Variants in CANX observed in about 807,000 individuals in gnomAD.
CANX encodes calnexin.
In CANX, 14 loss-of-function variants were observed where a neutral mutation model predicts 75.7. The ratio of observed to expected loss-of-function variants is 0.19; its 90% confidence interval spans 0.12 to 0.29. The LOEUF (loss-of-function observed/expected upper bound fraction) is 0.29. CANX is among the 10% of genes least tolerant of loss of function. The pLI is 1.00. For missense variants in CANX, 567 were observed against 713.2 expected (o/e 0.79, Z 2.34); for synonymous variants, 227 against 236.9 (o/e 0.96, Z 0.38).
chr5:179,702,427 CT>C (rs999623921), intron 1 of CANX, among the ~76,000 whole-genome samples: 2 of 141,214 alleles, frequency 1.4e-5, no homozygotes, highest in African/African-American at 5.1e-5. Flanking sequence ...TTCCTTCCTT[CT>C]TTTTTAAAAC....
chr5:179,728,021 A>G (rs1027362059), intron 14 of CANX, among the ~76,000 whole-genome samples: 20 of 152,202 alleles, frequency 1.3e-4, no homozygotes, highest in African/African-American at 4.6e-4. Flanking sequence ...TATCTTTTGT[A>G]TATTTTCCAT....
intron 1 of CANX, among the ~76,000 whole-genome samples, chr5:179,689,379 GTTTTTTTT>G (rs958473912): frequency 2.4e-5 from 2 of 83,674 alleles, no homozygotes; most frequent in African/African-American, 4.8e-5. Context: ...AACCCAACAA[GTTTTTTTT>G]TTTTTTTTTT....
chr5:179,686,008 A>G (rs1015052041), intron 1 of CANX, among the ~76,000 whole-genome samples: 1 of 151,248 alleles, frequency 6.6e-6, no homozygotes, highest in Non-Finnish European at 1.5e-5. Context: ...TAATAAATTG[A>G]GGTTTTAATT....
At chr5:179,699,970 G>A (rs1307669444) in intron 1 of CANX, among the ~76,000 whole-genome samples, 2 of 152,152 alleles carry the variant, frequency 1.3e-5, no homozygotes, top group African/African-American at 4.8e-5. Flanking sequence ...AATAATACCC[G>A]ATGGATTTGT....
chr5:179,698,867 G>T, upstream of CANX: 1 of 1,092,740 alleles, frequency 9.2e-7, no homozygotes, highest in South Asian at 1.7e-5. Flanking sequence ...GGATGTCGGG[G>T]CTTGCGCGGG....
At chr5:179,680,517 T>G (rs1776035434) in intron 1 of CANX, among the ~76,000 whole-genome samples, 1 of 152,180 alleles carries the variant, frequency 6.6e-6, no homozygotes, top group South Asian at 2.1e-4. Flanking sequence ...GTGTGTTCAC[T>G]GACATCCTGG....
intron 3 of CANX, among the ~76,000 whole-genome samples, chr5:179,706,719 A>G (rs1177681925): frequency 6.6e-6 from 1 of 152,124 alleles, no homozygotes. Context: ...AGCCTCCCAA[A>G]TTGTTGGCAT....
At chr5:179,702,048 T>A (rs568655875) in intron 1 of CANX, among the ~76,000 whole-genome samples, 2 of 151,796 alleles carry the variant, frequency 1.3e-5, no homozygotes, top group East Asian at 3.9e-4. Flanking sequence ...GCCTTACTTA[T>A]TTTTTTAGAG....
intron 1 of CANX, among the ~76,000 whole-genome samples, chr5:179,702,130 C>G (rs1034256710): frequency 6.3e-4 from 95 of 151,876 alleles, no homozygotes; most frequent in African/African-American, 2.2e-3. Flanking sequence ...CAAACTCCTG[C>G]TGTTATTGGT....
rs781629512 is a variant in CANX, at chr5:179,684,924, G to GT, written c.-4+6148dup. ...TGTGCCACCACACCTGGCTAATTTT[G>GT]TATTTTTTTTTTTTTTTTTTTTTTT... On this transcript the variant is annotated intron_variant, in intron 1 of 14. Coordinates refer to the CANX transcript ENST00000681674. 2.6e-3 allele frequency among the ~76,000 whole-genome samples: 75 copies of GT among 28,982 alleles called. 5 individuals are homozygous for GT. Among genetic ancestry groups the GT allele is most frequent in the Non-Finnish European group, 3.9e-3 (58 of 14,740 alleles). 19.0% of individuals were successfully genotyped at this position (28,982 alleles called of 152,430 possible). A position where few individuals can be genotyped will look rare whatever the true frequency, so the allele number is the denominator to read the frequency against.
intron 12 of CANX, among the ~76,000 whole-genome samples, chr5:179,724,088 A>G (rs955021490): frequency 1.2e-4 from 18 of 152,204 alleles, no homozygotes; most frequent in Non-Finnish European, 2.1e-4. Context: ...CACTTGGGCA[A>G]TAATCAGCTT....
At chr5:179,699,557 A>G (rs1776593707) in intron 1 of CANX, 1 of 152,266 alleles carries the variant, frequency 6.6e-6, no homozygotes, top group South Asian at 2.1e-4. Context: ...TTACAGTTTA[A>G]TATTTGAAAA....
chr5:179,705,322 C>T (rs1777053553), intron 1 of CANX, among the ~76,000 whole-genome samples: 1 of 152,186 alleles, frequency 6.6e-6, no homozygotes, highest in Admixed American at 6.6e-5. Flanking sequence ...CGGGTACCCC[C>T]TGTAAATTAG....
intron 1 of CANX, among the ~76,000 whole-genome samples, chr5:179,679,642 A>G (rs1033497609): frequency 2.0e-5 from 3 of 152,038 alleles, no homozygotes; most frequent in Non-Finnish European, 4.4e-5. Flanking sequence ...GGCAGAGGGA[A>G]GAGCCGAGCA....
At chr5:179,723,477 G>T in intron 11 of CANX, 183 bp from the exon 12 acceptor site, 1 of 566,052 alleles carries the variant, frequency 1.8e-6, no homozygotes. Context: ...AAATCATCTT[G>T]ATTATAAGGA....
intron 8 of CANX, among the ~76,000 whole-genome samples, chr5:179,719,004 C>T (rs1248433483): frequency 6.6e-6 from 1 of 151,444 alleles, no homozygotes; most frequent in Non-Finnish European, 1.5e-5. Context: ...TGGGTTTCAC[C>T]TTGTTGCCCA....
chr5:179,727,294 AAAC>A (rs1009021942), intron 14 of CANX, among the ~76,000 whole-genome samples: 11 of 152,252 alleles, frequency 7.2e-5, no homozygotes, highest in Non-Finnish European at 2.9e-5. Flanking sequence ...TTAAGGAAGT[AAAC>A]AACACAGCGT....
chr5:179,696,278 T>C (rs553074794), upstream of CANX, among the ~76,000 whole-genome samples: 246 of 136,024 alleles, frequency 1.8e-3, 1 homozygote, highest in African/African-American at 6.6e-3. Flanking sequence ...TTTTTTTTTT[T>C]TTTTTTTTTT....
chr5:179,679,803 C>T lies in CANX; in HGVS notation c.-4+1026C>T, dbSNP rs563868506. Among the ~76,000 whole-genome samples, 9 of 152,006 alleles carry T rather than the reference C, an allele frequency of 5.9e-5. No individual in the cohort carries two copies. In the East Asian group the frequency reaches 1.5e-3, roughly 26 times the overall value. On this transcript the variant is annotated intron_variant, in intron 1 of 14. Transcript: ENST00000681674. ...CCTCTTGAGTAGCTGAGATTACAGGCGCCTGCCATCACCCCCACCTGATTT... is the reference window on the plus strand; with the variant it reads ...CCTCTTGAGTAGCTGAGATTACAGGTGCCTGCCATCACCCCCACCTGATTT...
Sources: allele counts gnomAD v4.1 joint callset (sites outside exome capture counted in the v4.1 genomes callset), GRCh38; gene constraint gnomAD v4.1.1; transcripts MANE v1.5; gene names NCBI Gene and HGNC (gene_info 2026-07-23, HGNC 2026-07-21).